Variants in MMS22L observed in about 807,000 individuals in gnomAD.
The protein encoded by MMS22L is MMS22 like, DNA repair protein.
Under a neutral mutation model 159.1 loss-of-function variants are expected in MMS22L, and 74 were observed. That is an observed-to-expected ratio of 0.47 (90% CI 0.39 to 0.56). The LOEUF is 0.56. Among genes scored for constraint, MMS22L ranks in the 20% least tolerant of loss-of-function variants. The pLI is 0.00. For synonymous variants in MMS22L, 517 were observed against 506.9 expected (o/e 1.02, Z -0.27); for missense variants, 1,351 against 1,422.1 (o/e 0.95, Z 0.80).
intron 14 of MMS22L, among the ~76,000 whole-genome samples, chr6:97,215,685 C>A (rs1045904678): frequency 6.6e-6 from 1 of 152,036 alleles, no homozygotes; most frequent in Non-Finnish European, 1.5e-5. Context: ...AAAACTGTGA[C>A]AAAATCATTC....
intron 17 of MMS22L, among the ~76,000 whole-genome samples, chr6:97,178,957 T>C (rs1804403180): frequency 6.6e-6 from 1 of 152,128 alleles, no homozygotes; most frequent in Non-Finnish European, 1.5e-5. Context: ...AGTACAGATA[T>C]CACTCAATGA....
chr6:97,238,748 G>A lies in MMS22L; in HGVS notation c.1183-4768C>T, dbSNP rs549612405. Among the ~76,000 whole-genome samples the A allele has an allele frequency of 1.7e-4, 24 of 145,130 alleles. No individual in the cohort carries two copies. The South Asian group carries it at 5.4e-3, about 32-fold the overall frequency. ...CTTTATTTTGAACAATCAAATGTAC[G>A]CATATTACATTTGGGCATACTACAT... On this transcript the variant is annotated intron_variant, in intron 11 of 24. Coordinates refer to ENST00000683635, the MANE Select transcript of MMS22L (RefSeq NM_001350599.2).
intron 14 of MMS22L, among the ~76,000 whole-genome samples, chr6:97,219,120 C>T (rs984858178): frequency 1.3e-5 from 2 of 152,070 alleles, no homozygotes; most frequent in Non-Finnish European, 2.9e-5. Flanking sequence ...GTCTCTCCCT[C>T]GACACGTGGG....
At chr6:97,202,481 T>C (rs1807284930) in intron 14 of MMS22L, among the ~76,000 whole-genome samples, 1 of 152,202 alleles carries the variant, frequency 6.6e-6, no homozygotes, top group African/African-American at 2.4e-5. Flanking sequence ...GCATATAATC[T>C]TCAATGACTT....
intron 8 of MMS22L, chr6:97,264,852 C>CT (rs1456369793): frequency 3.3e-5 from 5 of 151,848 alleles, no homozygotes; most frequent in African/African-American, 1.2e-4. Flanking sequence ...AGTAAAAGGC[C>CT]TATACACTGA....
intron 10 of MMS22L, among the ~76,000 whole-genome samples, chr6:97,251,349 C>T (rs1210026765): frequency 6.6e-6 from 1 of 152,192 alleles, no homozygotes; most frequent in African/African-American, 2.4e-5. Context: ...CTCTCACCTA[C>T]TTTAAAATAT....
At chr6:97,156,034 G>A (rs1801801951) in intron 22 of MMS22L, among the ~76,000 whole-genome samples, 1 of 152,212 alleles carries the variant, frequency 6.6e-6, no homozygotes, top group South Asian at 2.1e-4. Context: ...TAACTGGTGT[G>A]AGATGGTATC....
chr6:97,165,808 C>T (rs1167379387), intron 20 of MMS22L, among the ~76,000 whole-genome samples: 3 of 152,066 alleles, frequency 2.0e-5, no homozygotes, highest in Admixed American at 6.6e-5. Flanking sequence ...TATAAAACAC[C>T]TTTAGGTCAT....
At chr6:97,276,631 C>G (rs1816267393) in intron 4 of MMS22L, among the ~76,000 whole-genome samples, 1 of 152,192 alleles carries the variant, frequency 6.6e-6, no homozygotes, top group Admixed American at 6.5e-5. Flanking sequence ...GCTCTCTAAA[C>G]TTTTATGTTT....
chr6:97,170,572 G>A (rs1803436080), intron 19 of MMS22L, among the ~76,000 whole-genome samples: 1 of 151,486 alleles, frequency 6.6e-6, no homozygotes, highest in African/African-American at 2.4e-5. Flanking sequence ...CACTATACAA[G>A]CTCTTGAGTA....
At chr6:97,204,962 G>C (rs111725847) in intron 14 of MMS22L, among the ~76,000 whole-genome samples, 617 of 25,752 alleles carry the variant, frequency 0.024, 7 homozygotes, top group African/African-American at 0.084. Context: ...TTTTTTTTTT[G>C]AGATGGAGTC....
rs953374209 is a variant in MMS22L, at chr6:97,212,702, T to A, written c.2039+16192A>T. On this transcript the variant is annotated intron_variant, in intron 14 of 24. Coordinates refer to ENST00000683635, the MANE Select transcript of MMS22L (RefSeq NM_001350599.2). ...GAAAGAGCAGAGTCAGGATTCAAAT[T>A]CACATTTGTAACATTTTGAAAAATA... Among the ~76,000 whole-genome samples, 3 of 152,202 alleles carry A rather than the reference T, an allele frequency of 2.0e-5. No homozygotes were observed. The South Asian group carries it at 6.2e-4, about 31-fold the overall frequency.
intron 21 of MMS22L, 69 bp downstream of exon 21, chr6:97,165,177 T>C: frequency 1.4e-6 from 2 of 1,411,480 alleles, no homozygotes; most frequent in Non-Finnish European, 2.0e-6. Flanking sequence ...ATGTTTGAAA[T>C]GCCACTTTAT....
chr6:97,182,242 C>T (rs577129509), intron 15 of MMS22L, among the ~76,000 whole-genome samples, 188 bp from the exon 16 acceptor site: 10 of 151,724 alleles, frequency 6.6e-5, no homozygotes, highest in African/African-American at 2.4e-4. Context: ...ATAGAAATTT[C>T]TGTAGCATCT....
At position 97,179,532 on chromosome 6, in the gene MMS22L, T is replaced by C. The variant is rs746719399; in HGVS notation, c.2412A>G (p.Ser804=). ...NSTLCEALSH[S]GYVSFQALTV... Reference sequence around the variant, plus strand: ...TTAAGGCTTGAAAAGATACATAGCCTGAATGAGAAAGTGCTTCACATAATG... The same window carrying C: ...TTAAGGCTTGAAAAGATACATAGCCCGAATGAGAAAGTGCTTCACATAATG... Residue 804 remains serine (S), a synonymous_variant, in exon 17 of 25, where the codon TCA becomes TCG. Transcript: ENST00000683635. 7 of 1,610,056 alleles carry C rather than the reference T, an allele frequency of 4.3e-6. No homozygotes were observed. In the African/African-American group the frequency reaches 9.4e-5, roughly 22 times the overall value.
intron 17 of MMS22L, among the ~76,000 whole-genome samples, chr6:97,179,172 A>C (rs1399933527): frequency 2.6e-5 from 4 of 152,132 alleles, no homozygotes; most frequent in African/African-American, 7.2e-5. Context: ...CCAAGGAAAC[A>C]AGTTCTTTTA....
At position 97,186,691 on chromosome 6, in the gene MMS22L, C is replaced by T; in HGVS notation, c.2040-1G>A. 6.6e-7 allele frequency: 1 copy of T among 1,510,270 alleles called. No homozygotes were observed. The highest frequency in any genetic ancestry group is 8.9e-7 in the Non-Finnish European group (1 of 1,127,926). 93.6% of individuals were successfully genotyped at this position (1,510,270 alleles called of 1,614,324 possible). ...CTGACACAATTGTTGATGCATACTC[C>T]TAAAAAGAAATAAAAATACAGCTAA... On this transcript the variant is annotated splice_acceptor_variant, in intron 14 of 24. Transcript: ENST00000683635. LOFTEE classifies it high-confidence loss of function.
intron 22 of MMS22L, among the ~76,000 whole-genome samples, chr6:97,153,888 T>C (rs1262660026): frequency 6.6e-6 from 1 of 152,200 alleles, no homozygotes; most frequent in East Asian, 1.9e-4. Context: ...TATTCTACTT[T>C]TTGGCTATAA....
chr6:97,143,409 A>C lies in MMS22L; in HGVS notation c.*3397T>G, dbSNP rs1800730535. On this transcript the variant is annotated 3_prime_UTR_variant, in exon 25 of 25. Transcript: ENST00000683635. Reference sequence around the variant, plus strand: ...AAGGTACAGTCAGATAGGTGGCAGAAAGTCTCCAGACTGAAGGGTTTGAAC... The same window carrying C: ...AAGGTACAGTCAGATAGGTGGCAGACAGTCTCCAGACTGAAGGGTTTGAAC... The C allele has an allele frequency of 6.6e-6, 1 of 152,238 alleles. No individual in the cohort carries two copies. The highest frequency in any genetic ancestry group is 6.5e-5 in the Admixed American group (1 of 15,278). The allele number at this position is 152,238 out of a possible 1,614,324, so 9.4% of individuals were successfully genotyped here.
Sources: allele counts gnomAD v4.1 joint callset (sites outside exome capture counted in the v4.1 genomes callset), GRCh38; gene constraint gnomAD v4.1.1; transcripts MANE v1.5; gene names NCBI Gene and HGNC (gene_info 2026-07-23, HGNC 2026-07-21).